The following RBM39 variants were observed in gnomAD, a reference collection of about 807,000 sequenced individuals.
RBM39 encodes RNA-binding protein 39.
Under a neutral mutation model 79.6 loss-of-function variants are expected in RBM39, and 12 were observed. That is an observed-to-expected ratio of 0.15 (90% CI 0.10 to 0.24). The LOEUF is 0.24. RBM39 is among the 10% of genes least tolerant of loss of function. The pLI, the probability that RBM39 is intolerant of heterozygous loss-of-function variation, is 1.00. For synonymous variants in RBM39, 185 were observed against 208.4 expected, an observed-to-expected ratio of 0.89 and a Z score of 0.97; for missense variants, 243 against 653.4, an observed-to-expected ratio of 0.37 and a Z score of 6.85.
chr20:35,737,446 G>C (rs1336087748), intron 3 of RBM39, among the ~76,000 whole-genome samples: 1 of 150,070 alleles, frequency 6.7e-6, no homozygotes, highest in Admixed American at 6.6e-5. Context: ...TGTAATCCCA[G>C]CTACTCGGGA....
At chr20:35,707,975 A>C (rs1195333679) in intron 13 of RBM39, 1 of 445,592 alleles carries the variant, frequency 2.2e-6, no homozygotes, top group Admixed American at 2.7e-5. Flanking sequence ...TCATTCCAAA[A>C]CATAATAACA....
At chr20:35,705,171 G>A (rs2035567009) in intron 15 of RBM39, 54 bp downstream of exon 15, 1 of 1,061,550 alleles carries the variant, frequency 9.4e-7, no homozygotes, top group Admixed American at 2.5e-5. Flanking sequence ...AATGTGCGAA[G>A]ATTAAGGTAG....
rs1275828975 is a variant in RBM39, at chr20:35,701,630, T to G, written c.*2851A>C. On this transcript the variant is annotated 3_prime_UTR_variant, in exon 17 of 17. Coordinates refer to ENST00000253363, the MANE Select transcript of RBM39 (RefSeq NM_184234.3). ...TAAGCCGGGTGTGTTGACACGCGCC[T>G]GTATTCCCAGCTACTCGGGAGGCTG... is the stretch of plus-strand genomic sequence containing the variant. 6.6e-6 allele frequency: 1 copy of G among 152,202 alleles called. No homozygotes were observed. The highest frequency in any genetic ancestry group is 2.1e-4 in the South Asian group (1 of 4,816). 9.4% of individuals were successfully genotyped at this position (152,202 alleles called of 1,614,324 possible).
At chr20:35,716,525 T>C (rs1191203079) in intron 10 of RBM39, among the ~76,000 whole-genome samples, 1 of 152,226 alleles carries the variant, frequency 6.6e-6, no homozygotes, top group African/African-American at 2.4e-5. Flanking sequence ...ATGTGTGAGC[T>C]GTGCCTGCCT....
chr20:35,734,315 G>T, intron 3 of RBM39: 1 of 1,001,202 alleles, frequency 1.0e-6, no homozygotes. Context: ...GGTAGCACAT[G>T]ACAGAAAATT....
intron 3 of RBM39, 197 bp from the exon 4 acceptor site, chr20:35,732,332 C>G (rs2039462031): frequency 1.7e-6 from 1 of 588,274 alleles, no homozygotes; most frequent in Non-Finnish European, 3.0e-6. Context: ...CCGAGGCAGG[C>G]AGATCACAAG....
At chr20:35,718,328 G>A (rs1368119950) in intron 9 of RBM39, among the ~76,000 whole-genome samples, 1 of 151,534 alleles carries the variant, frequency 6.6e-6, no homozygotes, top group Non-Finnish European at 1.5e-5. Context: ...GAGTAGTCGT[G>A]GATGAAGTGG....
At chr20:35,725,992 T>C (rs1285464714) in intron 6 of RBM39, among the ~76,000 whole-genome samples, 1 of 151,956 alleles carries the variant, frequency 6.6e-6, no homozygotes, top group East Asian at 1.9e-4. Flanking sequence ...GTAAGATCTA[T>C]TGACAAAAAA....
At chr20:35,728,881 T>A (rs992876763) in intron 6 of RBM39, among the ~76,000 whole-genome samples, 3 of 151,628 alleles carry the variant, frequency 2.0e-5, no homozygotes, top group Non-Finnish European at 2.9e-5. Flanking sequence ...AGCTCAACAC[T>A]AGGCTAGCCA....
intron 10 of RBM39, among the ~76,000 whole-genome samples, chr20:35,715,727 C>T (rs1238309772): frequency 2.6e-5 from 4 of 152,158 alleles, no homozygotes; most frequent in African/African-American, 9.7e-5. Context: ...CTTGTCCCCT[C>T]TAAACCTCAG....
intron 11 of RBM39, 53 bp from the exon 12 acceptor site, chr20:35,713,149 G>T (rs530826293): frequency 1.4e-6 from 2 of 1,467,192 alleles, no homozygotes; most frequent in South Asian, 2.4e-5. Context: ...GAGAAACGAA[G>T]TTTCCTGGGT....
intron 9 of RBM39, among the ~76,000 whole-genome samples, chr20:35,720,731 C>T (rs1002805141): frequency 6.6e-6 from 1 of 152,114 alleles, no homozygotes; most frequent in Admixed American, 6.5e-5. Context: ...GAGATTGTGC[C>T]ACTGCACTCC....
intron 3 of RBM39, among the ~76,000 whole-genome samples, chr20:35,735,350 A>G (rs1278176449): frequency 2.0e-5 from 3 of 152,232 alleles, no homozygotes; most frequent in Admixed American, 2.0e-4. Context: ...TTCAGAAAAT[A>G]GGTTGACAAC....
intron 10 of RBM39, 57 bp from the exon 11 acceptor site, chr20:35,714,446 C>G: frequency 6.7e-7 from 1 of 1,495,856 alleles, no homozygotes; most frequent in Non-Finnish European, 8.9e-7. Flanking sequence ...AAAATACAAA[C>G]TATACTTAAA....
rs994078390 is a variant in RBM39, at chr20:35,724,513, C to A, written c.687+57G>T. ...CAGAACACAACAGCACTATACCATG[C>A]AACAGGAGGCTTTCAACACCACCAA... is the stretch of plus-strand genomic sequence containing the variant. On this transcript the variant is annotated intron_variant, in intron 8 of 16. Coordinates refer to ENST00000253363, the MANE Select transcript of RBM39 (RefSeq NM_184234.3). 46 of 1,565,744 alleles carry A rather than the reference C, an allele frequency of 2.9e-5. No individual in the cohort carries two copies. In the African/African-American group the frequency reaches 5.8e-4, roughly 20 times the overall value.
chr20:35,715,912 C>T (rs560707204), intron 10 of RBM39, among the ~76,000 whole-genome samples: 1 of 152,140 alleles, frequency 6.6e-6, no homozygotes, highest in African/African-American at 2.4e-5. Context: ...GACACACCTG[C>T]TCCTCCAAGC....
At position 35,712,934 on chromosome 20, in the gene RBM39, G is replaced by T. The variant is rs1036881941; in HGVS notation, c.1174+85C>A. The T allele has an allele frequency of 1.7e-4, 174 of 1,052,370 alleles. 2 individuals carry two copies. Among genetic ancestry groups the T allele is most frequent in the Admixed American group, 6.2e-4 (25 of 40,110 alleles). 65.2% of individuals were successfully genotyped at this position (1,052,370 alleles called of 1,614,324 possible). On this transcript the variant is annotated intron_variant, in intron 12 of 16. Transcript: ENST00000253363. ...AAGTACTTGATGAATTGAATTCTCA[G>T]TAAGTCCTTTTAAATGTAAAAATTT...
chr20:35,710,551 A>G (rs1423682900), intron 12 of RBM39: 1 of 152,206 alleles, frequency 6.6e-6, no homozygotes, highest in African/African-American at 2.4e-5. Context: ...TTTCATAAAG[A>G]TAAGGACTCT....
intron 2 of RBM39, chr20:35,740,417 A>T: frequency 1.8e-6 from 1 of 563,450 alleles, no homozygotes. Context: ...GCTTTTTCCC[A>T]AACCACTACA....
Sources: allele counts gnomAD v4.1 joint callset (sites outside exome capture counted in the v4.1 genomes callset), GRCh38; gene constraint gnomAD v4.1.1; transcripts MANE v1.5; gene names NCBI Gene and HGNC (gene_info 2026-07-23, HGNC 2026-07-21).